The following SBF2 variants were observed in gnomAD, a reference collection of about 807,000 sequenced individuals.
SBF2 encodes the protein myotubularin-related protein 13.
A neutral mutation model predicts 225.2 loss-of-function variants in SBF2; 112 were observed. That is an observed-to-expected ratio of 0.50 (90% CI 0.43 to 0.58). The LOEUF (loss-of-function observed/expected upper bound fraction) is 0.58, where lower values mean the gene tolerates loss of function less well. SBF2 is among the 20% of genes least tolerant of loss of function. The probability of loss-of-function intolerance (pLI) is 0.00; values close to 1 mark genes in which losing one functional copy is unlikely to be tolerated. For synonymous variants in SBF2, 763 were observed against 773.3 expected (o/e 0.99, Z 0.22); for missense variants, 1,996 against 2,206.2 (o/e 0.90, Z 1.91).
chr11:10,167,035 CAGTT>C lies in SBF2; in HGVS notation c.141+26863_141+26866del, dbSNP rs1484954145. 2.6e-5 allele frequency among the ~76,000 whole-genome samples: 4 copies of C among 151,974 alleles called. No individual in the cohort carries two copies. The East Asian group carries it at 7.7e-4, about 29-fold the overall frequency. ...GTTCAGTACCAGTTAAGCAACTGCT[CAGTT>C]ACAGAATTAGTTTAGAAATACACAG... On this transcript the variant is annotated intron_variant, in intron 2 of 39. Transcript: ENST00000256190.
intron 2 of SBF2, among the ~76,000 whole-genome samples, chr11:10,187,465 G>A (rs1037587111): frequency 6.6e-6 from 1 of 152,086 alleles, no homozygotes; most frequent in African/African-American, 2.4e-5. Flanking sequence ...TGGTAGCAGG[G>A]GGACCCCTGC....
Position 10,007,022 on chromosome 11 carries a change from G to A in SBF2, c.620-4333C>T, listed in dbSNP as rs140290960. ...TACGACAGACATGAAGGCTGGTCTC[G>A]GGTTAACAGATTATCATTATAACAG... On this transcript the variant is annotated intron_variant, in intron 6 of 39. Transcript: ENST00000256190. Among the ~76,000 whole-genome samples the A allele has an allele frequency of 1.1e-4, 16 of 152,240 alleles. No homozygotes were observed. The East Asian group carries it at 2.9e-3, about 28-fold the overall frequency.
chr11:10,212,438 G>A (rs1444628991), intron 1 of SBF2, among the ~76,000 whole-genome samples: 3 of 152,068 alleles, frequency 2.0e-5, no homozygotes, highest in Non-Finnish European at 4.4e-5. Context: ...CTTTCTTTAG[G>A]GAAGGCTATG....
intron 32 of SBF2, among the ~76,000 whole-genome samples, chr11:9,804,749 T>C (rs896670863): frequency 1.3e-5 from 2 of 152,236 alleles, no homozygotes; most frequent in East Asian, 3.8e-4. Flanking sequence ...ATCACAAGAT[T>C]GGTCAGTCTT....
rs1210989373 is a variant in SBF2 at position 9,784,530 on chromosome 11, C to CTATT, written c.5232-96_5232-93dup. ...GATATCTGTTGTTTTTGTCAAGTCTCTATTTCCCCTAGATGATTCAAAAAT... is the reference window on the plus strand; with the variant it reads ...GATATCTGTTGTTTTTGTCAAGTCTCTATTTATTTCCCCTAGATGATTCAAAAAT... On this transcript the variant is annotated intron_variant, in intron 37 of 39. Coordinates refer to ENST00000256190, the MANE Select transcript of SBF2 (RefSeq NM_030962.4). The CTATT allele has an allele frequency of 3.1e-6, 3 of 971,882 alleles. No homozygotes were observed. In the African/African-American group the frequency reaches 4.8e-5, roughly 16 times the overall value. 60.2% of individuals were successfully genotyped at this position (971,882 alleles called of 1,614,324 possible). A position where few individuals can be genotyped will look rare whatever the true frequency, so the allele number is the denominator to read the frequency against.
rs116771464 is a variant in SBF2, at chr11:10,228,657, C to G, written c.56-34670G>C. ...TGGCATGTTGAACCAGCCTTGTATC[C>G]CAGGGATGTAGCCCACTTGATCGTG... is the stretch of plus-strand genomic sequence containing the variant. On this transcript the variant is annotated intron_variant, in intron 1 of 39. Coordinates refer to ENST00000256190, the MANE Select transcript of SBF2 (RefSeq NM_030962.4). Among the ~76,000 whole-genome samples the G allele has an allele frequency of 3.1e-3, 469 of 152,126 alleles. 2 individuals carry two copies. Among genetic ancestry groups the G allele is most frequent in the East Asian group, 0.026 (136 of 5,180 alleles).
At position 10,303,422 on chromosome 11, in the gene SBF2, T is replaced by C. The variant is rs1964616434; in HGVS notation, n.386+1070A>G. On this transcript the variant is annotated intron_variant and non_coding_transcript_variant, in intron 1 of 5. Coordinates refer to the SBF2 transcript ENST00000685217. This position sits in a 1 kb window ranked among gnomAD's most constrained non-coding sequence, Gnocchi z 5.2. ...GCGGCCATTTCTTCCCCAGGTGCAA[T>C]GTCCACTGTTGAGTCCCGAGAGTGA... 6.6e-6 allele frequency: 1 copy of C among 152,244 alleles called. No homozygotes were observed. The highest frequency in any genetic ancestry group is 6.5e-5 in the Admixed American group (1 of 15,284). 9.4% of individuals were successfully genotyped at this position (152,244 alleles called of 1,614,324 possible). A position where few individuals can be genotyped will look rare whatever the true frequency, so the allele number is the denominator to read the frequency against.
In SBF2 at chr11:9,780,484, G is replaced by A. The variant is rs149571145; in HGVS notation, c.5484C>T (p.Cys1828=). The change falls in exon 40 of 40, where the codon TGC becomes TGT. Residue 1828 remains cysteine, a synonymous_variant. Coordinates refer to ENST00000256190, the MANE Select transcript of SBF2 (RefSeq NM_030962.4). ...LKTSKRVYNF[C]AQDGQSAQQW... ...GCTGGGCACTCTGTCCATCCTGGGC[G>A]CAGAAGTTATACACACGTTTGCTGG... is the stretch of plus-strand genomic sequence containing the variant. The A allele has an allele frequency of 2.7e-5, 44 of 1,614,118 alleles. No homozygotes were observed. Among genetic ancestry groups the A allele is most frequent in the African/African-American group, 5.3e-5 (4 of 75,040 alleles).
intron 1 of SBF2, among the ~76,000 whole-genome samples, chr11:10,244,985 T>G (rs1229133597): frequency 6.6e-6 from 1 of 151,040 alleles, no homozygotes; most frequent in African/African-American, 2.4e-5. Context: ...CACAAAAAAA[T>G]TAGCTGGGTG....
At chr11:10,251,689 C>G (rs1170520619) in intron 1 of SBF2, among the ~76,000 whole-genome samples, 1 of 152,138 alleles carries the variant, frequency 6.6e-6, no homozygotes, top group African/African-American at 2.4e-5. Flanking sequence ...TAATAGTCTC[C>G]CTGGTGCGCT....
At chr11:10,066,889 C>A (rs1950646470) in intron 2 of SBF2, among the ~76,000 whole-genome samples, 1 of 152,136 alleles carries the variant, frequency 6.6e-6, no homozygotes, top group Non-Finnish European at 1.5e-5. Flanking sequence ...GGTAGTAGAA[C>A]ACATGATCAA....
At chr11:9,849,803 CTTGAT>C (rs1275800866) in intron 22 of SBF2, among the ~76,000 whole-genome samples, 2 of 152,168 alleles carry the variant, frequency 1.3e-5, no homozygotes, top group African/African-American at 2.4e-5. Context: ...CAAATGAACC[CTTGAT>C]TTATTGTTTA....
At chr11:10,015,499 G>T (rs1422855966) in intron 6 of SBF2, among the ~76,000 whole-genome samples, 1 of 152,096 alleles carries the variant, frequency 6.6e-6, no homozygotes, top group Non-Finnish European at 1.5e-5. Flanking sequence ...AGTTGACTAT[G>T]AGCAGTCATA....
At chr11:10,026,869 T>C (rs1949076544) in intron 6 of SBF2, among the ~76,000 whole-genome samples, 1 of 152,186 alleles carries the variant, frequency 6.6e-6, no homozygotes, top group South Asian at 2.1e-4. Flanking sequence ...TAAATATCTA[T>C]TTAATATGAA....
At chr11:9,959,349 A>G in intron 16 of SBF2, 1 of 779,104 alleles carries the variant, frequency 1.3e-6, no homozygotes. Flanking sequence ...GGCTCAGGGA[A>G]TCCACTGGAA....
chr11:10,127,519 A>T (rs1015220166), intron 2 of SBF2, among the ~76,000 whole-genome samples: 44 of 152,050 alleles, frequency 2.9e-4, no homozygotes, highest in African/African-American at 1.1e-3. Context: ...CTTTATCTTA[A>T]CCATCTTCTA....
intron 21 of SBF2, 23 bp from the exon 22 acceptor site, chr11:9,850,241 T>G: frequency 6.2e-7 from 1 of 1,603,204 alleles, no homozygotes; most frequent in Non-Finnish European, 8.5e-7. Context: ...AAAGATTGAT[T>G]GATTGATTGA....
chr11:9,845,883 T>C (rs1383196974), intron 23 of SBF2, 143 bp from the exon 24 acceptor site: 2 of 732,928 alleles, frequency 2.7e-6, no homozygotes. Flanking sequence ...ATTTTTAAAT[T>C]TTTAAAAATA....
At chr11:9,842,892 T>C in intron 24 of SBF2, 122 bp from the exon 25 acceptor site, 1 of 881,212 alleles carries the variant, frequency 1.1e-6, no homozygotes, top group South Asian at 1.6e-5. Context: ...GTCCAGACTC[T>C]TGTTAAGCCT....
Sources: gnomAD v4.1 joint callset for allele counts (sites outside exome capture counted in the v4.1 genomes callset) on GRCh38, gnomAD v4.1.1 for gene constraint, Gnocchi (gnomAD v3.1) non-coding constraint, MANE v1.5 for transcripts, NCBI Gene and HGNC (gene_info 2026-07-23, HGNC 2026-07-21) for gene names.